The following ZNF644 variants were observed in gnomAD, a reference collection of about 807,000 sequenced individuals.
The protein encoded by ZNF644 is zinc finger protein 644.
In ZNF644, 20 loss-of-function variants were observed where a neutral mutation model predicts 108.0. That is an observed-to-expected ratio of 0.19 (90% CI 0.13 to 0.27). The LOEUF is 0.27. ZNF644 is among the 10% of genes least tolerant of loss of function. The probability of loss-of-function intolerance (pLI) is 1.00; values close to 1 mark genes in which losing one functional copy is unlikely to be tolerated. For missense variants in ZNF644, 1,338 were observed against 1,548.9 expected (o/e 0.86, Z 2.29); for synonymous variants, 542 against 539.1 (o/e 1.01, Z -0.08).
At chr1:90,972,866 G>C (rs1262326485) in intron 2 of ZNF644, 2 of 152,142 alleles carry the variant, frequency 1.3e-5, no homozygotes, top group African/African-American at 4.8e-5. Context: ...GTCACAAAAA[G>C]ACAAACACTA....
intron 1 of ZNF644, among the ~76,000 whole-genome samples, chr1:90,997,623 G>C (rs927041001): frequency 1.2e-4 from 18 of 152,162 alleles, no homozygotes; most frequent in South Asian, 4.1e-4. Flanking sequence ...ACAGCTCCCA[G>C]TGTGAGCGAT....
intron 1 of ZNF644, among the ~76,000 whole-genome samples, chr1:91,011,160 C>G (rs1253682765): frequency 6.6e-6 from 1 of 152,146 alleles, no homozygotes; most frequent in Non-Finnish European, 1.5e-5. Context: ...TTCTATACTT[C>G]ACAAAAGCTA....
chr1:90,983,751 ACC>A (rs1450758231), intron 1 of ZNF644, among the ~76,000 whole-genome samples: 1 of 152,150 alleles, frequency 6.6e-6, no homozygotes, highest in Admixed American at 6.5e-5. Flanking sequence ...ACATGGTGAA[ACC>A]CCGTCTCTAC....
Position 90,940,217 on chromosome 1 carries a change from A to G in ZNF644, c.1137T>C (p.Thr379=). 3.7e-6 allele frequency: 6 copies of G among 1,614,064 alleles called. No homozygotes were observed. The highest frequency in any genetic ancestry group is 1.1e-5 in the South Asian group (1 of 91,078). The stretch of plus-strand genomic sequence containing the variant: ...TTAAGGTATTTGAAAGAAAAGTGCT[A>G]GTATGAACAGGTGAACTCTCTTCTC... ...KCGEESSPVH[T]STFLSNTLKK... is the part of the protein sequence containing the mutation. The change falls in exon 3 of 6, where the codon ACT becomes ACC. Residue 379 remains threonine (T), a synonymous_variant. Coordinates refer to ENST00000337393, the MANE Select transcript of ZNF644 (RefSeq NM_201269.3).
At chr1:90,973,252 A>G (rs1655677993) in intron 2 of ZNF644, 1 of 152,136 alleles carries the variant, frequency 6.6e-6, no homozygotes, top group Non-Finnish European at 1.5e-5. Flanking sequence ...TATAATACAT[A>G]AATGGGTGAG....
chr1:90,993,976 C>T (rs1031165581), intron 1 of ZNF644, among the ~76,000 whole-genome samples: 4 of 152,262 alleles, frequency 2.6e-5, no homozygotes, highest in Non-Finnish European at 5.9e-5. Flanking sequence ...ACAGTGGCCC[C>T]AATCCTAGGC....
At chr1:90,928,545 G>T (rs1389933354) in intron 4 of ZNF644, among the ~76,000 whole-genome samples, 1 of 150,392 alleles carries the variant, frequency 6.6e-6, no homozygotes, top group Non-Finnish European at 1.5e-5. Flanking sequence ...ATGGTCTCAC[G>T]CTCCTGACCT....
chr1:91,002,136 A>T (rs1570556524), intron 1 of ZNF644, among the ~76,000 whole-genome samples: 1 of 152,164 alleles, frequency 6.6e-6, no homozygotes, highest in Non-Finnish European at 1.5e-5. Flanking sequence ...GCCATCCCCA[A>T]CAAGCTACCA....
At chr1:90,984,369 G>A (rs895690594) in intron 1 of ZNF644, among the ~76,000 whole-genome samples, 1 of 151,886 alleles carries the variant, frequency 6.6e-6, no homozygotes, top group Admixed American at 6.6e-5. Flanking sequence ...ATATTAGAGC[G>A]AGAGCCTTTC....
chr1:91,005,673 A>T (rs1270619182), intron 1 of ZNF644, among the ~76,000 whole-genome samples: 1 of 152,186 alleles, frequency 6.6e-6, no homozygotes, highest in Non-Finnish European at 1.5e-5. Context: ...ACATCTATGT[A>T]ACCAGTAAGC....
Position 91,000,984 on chromosome 1 carries a change from G to C in ZNF644, c.-17-18614C>G, listed in dbSNP as rs1372888184. On this transcript the variant is annotated intron_variant, in intron 1 of 5. Coordinates refer to ENST00000337393, the MANE Select transcript of ZNF644 (RefSeq NM_201269.3). The stretch of plus-strand genomic sequence containing the variant: ...CATACACCCTCCCAAGACTAAACCA[G>C]GAAGAAGGTGAATCCCTGAATAGAC... 4.6e-5 allele frequency among the ~76,000 whole-genome samples: 7 copies of C among 152,266 alleles called. No homozygotes were observed. The East Asian group carries it at 9.6e-4, about 21-fold the overall frequency.
chr1:90,970,998 C>CAAAAAAAA (rs61253802), intron 2 of ZNF644, among the ~76,000 whole-genome samples: 1 of 92,886 alleles, frequency 1.1e-5, no homozygotes, highest in African/African-American at 4.5e-5. Flanking sequence ...GACTCCATTT[C>CAAAAAAAA]AAAAAAAAAA....
chr1:90,996,606 G>C (rs941484759), intron 1 of ZNF644, among the ~76,000 whole-genome samples: 2 of 152,134 alleles, frequency 1.3e-5, no homozygotes, highest in Admixed American at 6.5e-5. Context: ...GCAACATGGT[G>C]GTACCCCGTC....
At chr1:90,971,216 G>A (rs1213700562) in intron 2 of ZNF644, among the ~76,000 whole-genome samples, 5 of 97,224 alleles carry the variant, frequency 5.1e-5, no homozygotes, top group Non-Finnish European at 1.0e-4. Context: ...GGAATCCAAG[G>A]ATAGTTCATC....
In ZNF644 at chr1:90,938,020, A is replaced by G. The variant is rs1421304299; in HGVS notation, c.3153T>C (p.Ile1051=). 1.2e-6 allele frequency: 2 copies of G among 1,610,906 alleles called. No individual in the cohort carries two copies. Among genetic ancestry groups the G allele is most frequent in the African/African-American group, 2.7e-5 (2 of 74,884 alleles). ...GGCCTCTAACATGATTTGATAATCC[A>G]ATTTTAGTATCAAACCAACCACCAC... The part of the protein sequence containing the change: ...QLCGGWFDTK[I]GLSNHVRGHL... The change falls in exon 4 of 6, where the codon ATT becomes ATC. Residue 1051 remains isoleucine (I), a synonymous_variant. Coordinates refer to ENST00000337393, the MANE Select transcript of ZNF644 (RefSeq NM_201269.3). The surrounding 1 kb of genome is among the most constrained non-coding windows in gnomAD (Gnocchi z 4.2).
intron 4 of ZNF644, among the ~76,000 whole-genome samples, chr1:90,927,454 G>C (rs1386887812): frequency 1.3e-5 from 2 of 152,002 alleles, no homozygotes; most frequent in Non-Finnish European, 2.9e-5. Context: ...CAAAATACTC[G>C]ATTAAATTAT....
At chr1:91,004,747 T>C (rs1447038003) in intron 1 of ZNF644, among the ~76,000 whole-genome samples, 1 of 152,170 alleles carries the variant, frequency 6.6e-6, no homozygotes, top group African/African-American at 2.4e-5. Flanking sequence ...TGTATATTAT[T>C]AAAATTTACA....
chr1:90,983,218 T>G (rs965558022), intron 1 of ZNF644, among the ~76,000 whole-genome samples: 6 of 152,096 alleles, frequency 3.9e-5, no homozygotes, highest in Admixed American at 3.3e-4. Context: ...CTATCATCTC[T>G]GATTTGTCCT....
chr1:90,955,197 A>G (rs577828458), intron 2 of ZNF644, among the ~76,000 whole-genome samples: 1 of 152,328 alleles, frequency 6.6e-6, no homozygotes, highest in South Asian at 2.1e-4. Context: ...CCATGCTGTA[A>G]CAGGTGAACT....
Sources: allele counts gnomAD v4.1 joint callset (sites outside exome capture counted in the v4.1 genomes callset), GRCh38; gene constraint gnomAD v4.1.1; non-coding constraint Gnocchi (gnomAD v3.1); transcripts MANE v1.5; gene names NCBI Gene and HGNC (gene_info 2026-07-23, HGNC 2026-07-21).